NEK1: variants seen among roughly 807,000 people sequenced by gnomAD.
NEK1 encodes NIMA related kinase 1.
In NEK1, 137 loss-of-function variants were observed where a neutral mutation model predicts 182.1. The ratio of observed to expected loss-of-function variants is 0.75; its 90% CI spans 0.65 to 0.87. The LOEUF is 0.87. NEK1 is among the 40% of genes least tolerant of loss of function. The pLI, the probability that NEK1 is intolerant of heterozygous loss-of-function variation, is 0.00. For synonymous variants in NEK1, 513 were observed against 492.2 expected (o/e 1.04, Z -0.56); for missense variants, 1,391 against 1,494.4 (o/e 0.93, Z 1.14).
chr4:169,545,217 C>A (rs1003433296), intron 18 of NEK1, among the ~76,000 whole-genome samples: 1 of 126,428 alleles, frequency 7.9e-6, no homozygotes, highest in Non-Finnish European at 1.6e-5. Flanking sequence ...CCCCACCCCA[C>A]CACAGTCCCC....
At chr4:169,548,892 G>C (rs945864773) in intron 18 of NEK1, among the ~76,000 whole-genome samples, 3 of 152,250 alleles carry the variant, frequency 2.0e-5, no homozygotes, top group African/African-American at 7.2e-5. Context: ...CAGTGGATCT[G>C]AGCTTGCTGG....
chr4:169,430,214 A>C lies in NEK1; in HGVS notation c.2885+3331T>G, dbSNP rs13106230. 5.4e-3 allele frequency among the ~76,000 whole-genome samples: 816 copies of C among 152,056 alleles called. 2 individuals carry two copies. Among genetic ancestry groups the C allele is most frequent in the Middle Eastern group, 0.014 (4 of 294 alleles). ...TTTGTTTTATTTTTGACAGAGTCTCACTCTGTCACCTAGGCTGGAGTACAG... is the reference window on the plus strand; with the variant it reads ...TTTGTTTTATTTTTGACAGAGTCTCCCTCTGTCACCTAGGCTGGAGTACAG... On this transcript the variant is annotated intron_variant, in intron 29 of 35. Transcript: ENST00000507142.
At chr4:169,557,486 A>C (rs1762318775) in intron 16 of NEK1, among the ~76,000 whole-genome samples, 1 of 152,120 alleles carries the variant, frequency 6.6e-6, no homozygotes, top group Admixed American at 6.5e-5. Flanking sequence ...TTATCTGAGA[A>C]TAAGACCACC....
intron 29 of NEK1, among the ~76,000 whole-genome samples, chr4:169,426,790 A>G (rs1209138007): frequency 1.3e-5 from 2 of 152,230 alleles, no homozygotes; most frequent in African/African-American, 4.8e-5. Flanking sequence ...TATACTGTTA[A>G]GTAAACAAAG....
At chr4:169,601,452 A>G (rs191716279) in intron 4 of NEK1, among the ~76,000 whole-genome samples, 103 of 152,278 alleles carry the variant, frequency 6.8e-4, no homozygotes, top group Admixed American at 6.5e-3. Context: ...ATATAGTTCC[A>G]AAACAGCATT....
chr4:169,568,333 GAATA>G (rs1225671026), intron 12 of NEK1, among the ~76,000 whole-genome samples: 20 of 152,062 alleles, frequency 1.3e-4, no homozygotes, highest in Non-Finnish European at 8.8e-5. Flanking sequence ...AAACCATTTA[GAATA>G]AATAAGCATC....
rs199717920 is a variant in NEK1, at chr4:169,589,528, G to GAAA, written c.397-17_397-15dup. 5 of 1,116,962 alleles carry GAAA rather than the reference G, an allele frequency of 4.5e-6. No homozygotes were observed. The highest frequency in any genetic ancestry group is 6.3e-5 in the Admixed American group (2 of 31,726). The allele number at this position is 1,116,962 out of a possible 1,614,324, so 69.2% of individuals were successfully genotyped here. The stretch of plus-strand genomic sequence containing the variant: ...TAAAAATATGTTCTGTAAAAGACAG[G>GAAA]AAAAAAAAAAACCCTAGAAATATTG... On this transcript the variant is annotated splice_polypyrimidine_tract_variant and intron_variant, in intron 6 of 35. Coordinates refer to ENST00000507142, the MANE Select transcript of NEK1 (RefSeq NM_001199397.3).
At chr4:169,465,853 G>A (rs537490139) in intron 26 of NEK1, among the ~76,000 whole-genome samples, 1 of 152,038 alleles carries the variant, frequency 6.6e-6, no homozygotes, top group African/African-American at 2.4e-5. Flanking sequence ...GCTATGCACA[G>A]GTAACTAAAT....
At chr4:169,431,822 T>C (rs1323615050) in intron 29 of NEK1, among the ~76,000 whole-genome samples, 1 of 150,938 alleles carries the variant, frequency 6.6e-6, no homozygotes, top group Non-Finnish European at 1.5e-5. Flanking sequence ...AAAAATTTGG[T>C]AATCTTAGAA....
chr4:169,541,559 A>C (rs1043482572), intron 18 of NEK1, among the ~76,000 whole-genome samples: 1 of 152,184 alleles, frequency 6.6e-6, no homozygotes, highest in Non-Finnish European at 1.5e-5. Flanking sequence ...AGAGTCTTAG[A>C]TGCCTACAGA....
chr4:169,556,502 C>T (rs1218285366), intron 16 of NEK1, among the ~76,000 whole-genome samples: 2 of 152,048 alleles, frequency 1.3e-5, no homozygotes, highest in Non-Finnish European at 2.9e-5. Context: ...AAAACATCTG[C>T]ATATGGCTTT....
At chr4:169,580,569 TAAC>T (rs1259386644) in intron 11 of NEK1, among the ~76,000 whole-genome samples, 1 of 151,056 alleles carries the variant, frequency 6.6e-6, no homozygotes, top group Non-Finnish European at 1.5e-5. Flanking sequence ...TACAATTCTA[TAAC>T]AACGTTCTCA....
At chr4:169,552,368 A>T (rs528137711) in intron 18 of NEK1, among the ~76,000 whole-genome samples, 3 of 152,106 alleles carry the variant, frequency 2.0e-5, no homozygotes, top group Admixed American at 2.0e-4. Flanking sequence ...CATGCCAAAA[A>T]AAAAAAAGCA....
intron 23 of NEK1, among the ~76,000 whole-genome samples, chr4:169,497,086 G>C (rs1751456383): frequency 5.3e-5 from 8 of 152,198 alleles, no homozygotes; most frequent in Non-Finnish European, 1.2e-4. Flanking sequence ...TTCAGAGCCT[G>C]TTATTGGTCT....
At chr4:169,605,039 A>G (rs1415539999) in intron 2 of NEK1, among the ~76,000 whole-genome samples, 3 of 152,214 alleles carry the variant, frequency 2.0e-5, no homozygotes, top group Admixed American at 6.5e-5. Context: ...ACTTACAAAA[A>G]AAAATCAAGA....
chr4:169,568,256 T>C (rs963983432), intron 12 of NEK1, among the ~76,000 whole-genome samples: 2 of 152,230 alleles, frequency 1.3e-5, no homozygotes, highest in African/African-American at 4.8e-5. Flanking sequence ...AATGGTAGTT[T>C]TATTCCATGG....
intron 3 of NEK1, 134 bp downstream of exon 3, chr4:169,602,380 A>G (rs1770645674): frequency 1.7e-5 from 11 of 634,794 alleles, no homozygotes; most frequent in South Asian, 1.4e-4. Flanking sequence ...GGCTATTCTG[A>G]TATTAGCGGG....
intron 19 of NEK1, among the ~76,000 whole-genome samples, chr4:169,534,541 T>C (rs1758158314): frequency 6.6e-6 from 1 of 152,148 alleles, no homozygotes; most frequent in South Asian, 2.1e-4. Flanking sequence ...AACAGCATAT[T>C]GTCAATAATA....
At chr4:169,440,926 T>C (rs937764953) in intron 27 of NEK1, among the ~76,000 whole-genome samples, 7 of 152,056 alleles carry the variant, frequency 4.6e-5, no homozygotes, top group Admixed American at 1.3e-4. Flanking sequence ...GAGAACCCAA[T>C]CCCTACCAGA....
Sources: allele counts gnomAD v4.1 joint callset (sites outside exome capture counted in the v4.1 genomes callset), GRCh38; gene constraint gnomAD v4.1.1; transcripts MANE v1.5; gene names NCBI Gene and HGNC (gene_info 2026-07-23, HGNC 2026-07-21).